HS2ST1: variants seen among roughly 807,000 people sequenced by gnomAD.
HS2ST1 encodes 2-O-sulfotransferase.
In HS2ST1, 18 loss-of-function variants were observed where a neutral mutation model predicts 42.9. The ratio of observed to expected loss-of-function variants is 0.42; its 90% CI spans 0.29 to 0.62. The LOEUF (loss-of-function observed/expected upper bound fraction) is 0.62. Among genes scored for constraint, HS2ST1 ranks in the 20% least tolerant of loss-of-function variants. The pLI is 0.21. For synonymous variants in HS2ST1, 146 were observed against 152.9 expected, an observed-to-expected ratio of 0.95 and a Z score of 0.33; for missense variants, 334 against 433.8, an observed-to-expected ratio of 0.77 and a Z score of 2.04.
intron 1 of HS2ST1, among the ~76,000 whole-genome samples, chr1:86,997,357 C>CTGAGCAGAAATT (rs1649134347): frequency 6.6e-6 from 1 of 152,134 alleles, no homozygotes; most frequent in Non-Finnish European, 1.5e-5. Context: ...GGCTTAAGAG[C>CTGAGCAGAAATT]TGAGCAGAAA....
chr1:87,020,165 T>A (rs938060710), intron 1 of HS2ST1, among the ~76,000 whole-genome samples: 5 of 152,192 alleles, frequency 3.3e-5, no homozygotes, highest in African/African-American at 1.2e-4. Flanking sequence ...ATTTACTAAA[T>A]AAAAACAAAC....
At chr1:87,030,434 G>A in intron 1 of HS2ST1, among the ~76,000 whole-genome samples, 1 of 151,974 alleles carries the variant, frequency 6.6e-6, no homozygotes, top group Non-Finnish European at 1.5e-5. Context: ...AGAGTTCAAG[G>A]TTACAGTGAG....
chr1:86,918,908 T>A (rs187132916), intron 1 of HS2ST1, among the ~76,000 whole-genome samples: 45 of 151,358 alleles, frequency 3.0e-4, no homozygotes, highest in Admixed American at 1.1e-3. Flanking sequence ...CTTTTTTTTT[T>A]AAATATTAGA....
At chr1:87,031,753 G>T (rs1650244290) in intron 1 of HS2ST1, among the ~76,000 whole-genome samples, 2 of 152,202 alleles carry the variant, frequency 1.3e-5, no homozygotes, top group Non-Finnish European at 2.9e-5. Flanking sequence ...AAAATCTGCT[G>T]ATCTACAATG....
chr1:87,020,867 G>T (rs1007247895), intron 1 of HS2ST1, among the ~76,000 whole-genome samples: 1 of 152,096 alleles, frequency 6.6e-6, no homozygotes, highest in Non-Finnish European at 1.5e-5. Flanking sequence ...TGGGGGTCAG[G>T]GAAACAATTC....
At position 87,057,845 on chromosome 1, in the gene HS2ST1, T is replaced by C. The variant is rs568316596; in HGVS notation, c.125-15089T>C. 9.3e-5 allele frequency among the ~76,000 whole-genome samples: 14 copies of C among 151,332 alleles called. 1 individual carries two copies. The highest frequency in any genetic ancestry group is 3.4e-4 in the African/African-American group (14 of 40,836). On this transcript the variant is annotated intron_variant, in intron 1 of 6. Coordinates refer to ENST00000370550, the MANE Select transcript of HS2ST1 (RefSeq NM_012262.4). ...CAGCCTGGGCGACAGAGCGAGACTC[T>C]GTCTCAAAAAAAGAAAAAGAGAGAG...
intron 1 of HS2ST1, among the ~76,000 whole-genome samples, chr1:87,018,706 G>A (rs1649835198): frequency 6.6e-6 from 1 of 152,116 alleles, no homozygotes; most frequent in Non-Finnish European, 1.5e-5. Flanking sequence ...AACAAAATCT[G>A]GATCTTAGTC....
intron 1 of HS2ST1, among the ~76,000 whole-genome samples, chr1:87,023,742 A>C (rs1217942347): frequency 6.6e-6 from 1 of 152,188 alleles, no homozygotes; most frequent in Non-Finnish European, 1.5e-5. Context: ...TGTCTCAGAA[A>C]ATATGATAAA....
intron 1 of HS2ST1, among the ~76,000 whole-genome samples, chr1:87,062,514 A>T (rs960966398): frequency 1.3e-5 from 2 of 152,082 alleles, no homozygotes; most frequent in African/African-American, 4.8e-5. Flanking sequence ...CTCTGCCTTC[A>T]TTTAGAGCCA....
intron 1 of HS2ST1, among the ~76,000 whole-genome samples, chr1:87,025,566 T>G (rs962264457): frequency 6.6e-6 from 1 of 152,206 alleles, no homozygotes; most frequent in African/African-American, 2.4e-5. Flanking sequence ...ATCTCATATT[T>G]TAACACCAAA....
intron 1 of HS2ST1, among the ~76,000 whole-genome samples, chr1:86,919,568 T>C (rs1284023605): frequency 2.6e-5 from 4 of 152,226 alleles, no homozygotes; most frequent in Admixed American, 2.6e-4. Flanking sequence ...CATATGTTCT[T>C]GGATCAATTT....
intron 1 of HS2ST1, among the ~76,000 whole-genome samples, chr1:86,938,395 T>TA (rs1280054286): frequency 1.3e-5 from 2 of 152,176 alleles, no homozygotes; most frequent in Non-Finnish European, 2.9e-5. Context: ...TCCCAATACT[T>TA]ACAATGTCAG....
intron 1 of HS2ST1, among the ~76,000 whole-genome samples, chr1:86,957,491 A>G (rs937714526): frequency 2.0e-5 from 3 of 152,318 alleles, no homozygotes; most frequent in East Asian, 3.9e-4. Flanking sequence ...TGAATTGCTA[A>G]GGTCTCTGCT....
chr1:86,947,596 T>A (rs1647379874), intron 1 of HS2ST1, among the ~76,000 whole-genome samples: 1 of 152,120 alleles, frequency 6.6e-6, no homozygotes, highest in South Asian at 2.1e-4. Flanking sequence ...TTTTTTTTTT[T>A]TTTAAAGTGA....
chr1:87,016,620 A>G (rs527621083), intron 1 of HS2ST1, among the ~76,000 whole-genome samples: 19 of 152,350 alleles, frequency 1.2e-4, no homozygotes. Flanking sequence ...AATAGCATCA[A>G]TATAATATAG....
At chr1:86,968,782 TTAAAAAAAAAAGCTTCA>T (rs1444421928) in intron 1 of HS2ST1, among the ~76,000 whole-genome samples, 2 of 151,930 alleles carry the variant, frequency 1.3e-5, no homozygotes, top group Admixed American at 6.6e-5. Flanking sequence ...AATCATTTGT[TTAAAAAAAAAAGCTTCA>T]TGCTGCTAGA....
chr1:87,061,305 G>T (rs1651115048), intron 1 of HS2ST1, among the ~76,000 whole-genome samples: 1 of 151,956 alleles, frequency 6.6e-6, no homozygotes, highest in Admixed American at 6.6e-5. Context: ...ACTGGCATTT[G>T]GAACATTCAC....
At chr1:87,017,004 A>T (rs1649778025) in intron 1 of HS2ST1, among the ~76,000 whole-genome samples, 1 of 152,014 alleles carries the variant, frequency 6.6e-6, no homozygotes, top group African/African-American at 2.4e-5. Flanking sequence ...GCTAATTTCC[A>T]AGATTAGCTT....
chr1:86,935,910 T>TC (rs1359735005), intron 1 of HS2ST1, among the ~76,000 whole-genome samples: 1 of 152,170 alleles, frequency 6.6e-6, no homozygotes, highest in Non-Finnish European at 1.5e-5. Flanking sequence ...CACCCAGTTT[T>TC]CCCCATCATG....
Sources: allele counts gnomAD v4.1 joint callset (sites outside exome capture counted in the v4.1 genomes callset), GRCh38; gene constraint gnomAD v4.1.1; transcripts MANE v1.5; gene names NCBI Gene and HGNC (gene_info 2026-07-23, HGNC 2026-07-21).